PDXDC1: variants seen among roughly 807,000 people sequenced by gnomAD.
PDXDC1 encodes the protein pyridoxal dependent decarboxylase domain containing 1.
PDXDC1 carries 42 observed loss-of-function variants against 100.1 expected under a neutral mutation model. The ratio of observed to expected loss-of-function variants is 0.42; its 90% CI spans 0.33 to 0.54. The LOEUF is 0.54. Among genes scored for constraint, PDXDC1 ranks in the 20% least tolerant of loss-of-function variants. PDXDC1 has a pLI of 0.10. For missense variants in PDXDC1, 636 were observed against 979.2 expected, an observed-to-expected ratio of 0.65 and a Z score of 4.68; for synonymous variants, 260 against 371.7, an observed-to-expected ratio of 0.70 and a Z score of 3.46.
chr16:15,077,098 G>A (rs1402972652), intron 16 of PDXDC1, among the ~76,000 whole-genome samples: 25 of 151,724 alleles, frequency 1.6e-4, no homozygotes, highest in Admixed American at 1.3e-4. Context: ...TCCTGCCTCA[G>A]CCTCCCGAGT....
rs2043436528 is a variant in PDXDC1 at position 15,036,168 on chromosome 16, G to A, written c.2260G>A (p.Gly754Arg). ...LEASSTEGHP[G>R]APSPQHTDQT... ...GGCCAGCAGCACTGAGGGACACCCA[G>A]GGGCTCCCAGCCCTCAGCACACCGA... is the stretch of plus-strand genomic sequence containing the variant. Residue 754 changes from glycine to arginine, a missense_variant, in exon 23 of 23, where the codon GGG (glycine) becomes AGG (arginine). Gly to Arg is a moderately radical substitution (Grantham distance 125). Coordinates refer to ENST00000396410, the MANE Select transcript of PDXDC1 (RefSeq NM_015027.4). 6.2e-7 allele frequency: 1 copy of A among 1,614,054 alleles called. No individual in the cohort carries two copies. The highest frequency in any genetic ancestry group is 8.5e-7 in the Non-Finnish European group (1 of 1,180,042).
chr16:15,089,850 T>C (rs150378517), intron 16 of PDXDC1, among the ~76,000 whole-genome samples: 3 of 142,732 alleles, frequency 2.1e-5, no homozygotes, highest in African/African-American at 7.9e-5. Flanking sequence ...TCAGAAACGC[T>C]GAAGTTTTAA....
At chr16:15,104,080 G>C (rs1386308088) in intron 16 of PDXDC1, among the ~76,000 whole-genome samples, 2 of 39,270 alleles carry the variant, frequency 5.1e-5, no homozygotes, top group African/African-American at 1.0e-4. Flanking sequence ...GCTGGGGCAG[G>C]AGGATTGCTT....
intron 6 of PDXDC1, among the ~76,000 whole-genome samples, chr16:15,007,550 C>T (rs183881249): frequency 1.6e-3 from 237 of 152,302 alleles, no homozygotes; most frequent in African/African-American, 4.6e-3. Flanking sequence ...CATTGTTAAC[C>T]GTCTTTGCCA....
chr16:15,070,358 C>G, intron 16 of PDXDC1: 1 of 790,114 alleles, frequency 1.3e-6, no homozygotes, highest in Non-Finnish European at 2.0e-6. Context: ...TAAGTAAGTT[C>G]ATAGGTTTCT....
At chr16:14,982,694 G>A (rs1968272064) in intron 1 of PDXDC1, among the ~76,000 whole-genome samples, 1 of 152,398 alleles carries the variant, frequency 6.6e-6, no homozygotes, top group South Asian at 2.1e-4. Context: ...TATCAGCTTG[G>A]AGGATTCCTG....
chr16:15,128,269 G>T, intron 16 of PDXDC1: 1 of 1,610,866 alleles, frequency 6.2e-7, no homozygotes, highest in Non-Finnish European at 8.5e-7. Flanking sequence ...CAGGCTGTGC[G>T]GGGTGGCGAT....
chr16:15,014,852 T>C (rs1413949449), intron 8 of PDXDC1, among the ~76,000 whole-genome samples: 1 of 152,294 alleles, frequency 6.6e-6, no homozygotes, highest in East Asian at 1.9e-4. Context: ...CGGCTGAAAG[T>C]GCTTAATATG....
intron 16 of PDXDC1, among the ~76,000 whole-genome samples, chr16:15,092,018 A>G (rs1406978781): frequency 3.3e-5 from 5 of 152,076 alleles, no homozygotes; most frequent in African/African-American, 7.2e-5. Context: ...CTCTACTAAA[A>G]AAATAAAAAA....
intron 16 of PDXDC1, among the ~76,000 whole-genome samples, chr16:15,081,952 A>T (rs1326190711): frequency 6.6e-6 from 1 of 152,166 alleles, no homozygotes; most frequent in Non-Finnish European, 1.5e-5. Flanking sequence ...TGGTTAGTGT[A>T]TGTTAGTCTT....
intron 16 of PDXDC1, among the ~76,000 whole-genome samples, chr16:15,084,100 A>G (rs2045816946): frequency 6.6e-6 from 1 of 152,254 alleles, no homozygotes; most frequent in Non-Finnish European, 1.5e-5. Flanking sequence ...TGATATCAAC[A>G]GCAAATCAAA....
chr16:15,073,691 A>G (rs2045335787), intron 16 of PDXDC1, among the ~76,000 whole-genome samples: 1 of 152,212 alleles, frequency 6.6e-6, no homozygotes, highest in Non-Finnish European at 1.5e-5. Flanking sequence ...AAACAGCTGA[A>G]TATATAGGCA....
At chr16:14,986,808 G>A (rs1338976679) in intron 1 of PDXDC1, among the ~76,000 whole-genome samples, 6 of 152,262 alleles carry the variant, frequency 3.9e-5, no homozygotes, top group Non-Finnish European at 5.9e-5. Context: ...GTGCAGTGGC[G>A]CGTTCTTGGC....
intron 11 of PDXDC1, among the ~76,000 whole-genome samples, chr16:15,018,330 G>GC (rs1273165959): frequency 6.6e-6 from 1 of 152,240 alleles, no homozygotes; most frequent in African/African-American, 2.4e-5. Context: ...GGCTGATTGA[G>GC]CCCTGGAGAT....
chr16:15,000,627 G>A (rs1234216087), intron 3 of PDXDC1, among the ~76,000 whole-genome samples: 33 of 152,392 alleles, frequency 2.2e-4, no homozygotes, highest in African/African-American at 7.2e-4. Context: ...TACTTCAGCC[G>A]TTCGAATTCT....
chr16:15,150,310 C>T, the PDXDC1 span, among the ~76,000 whole-genome samples: 1 of 151,630 alleles, frequency 6.6e-6, no homozygotes, highest in Non-Finnish European at 1.5e-5. Flanking sequence ...TGCTGCACTC[C>T]AGCCTGGGCA....
chr16:15,145,702 G>A, the PDXDC1 span, among the ~76,000 whole-genome samples: 7 of 152,264 alleles, frequency 4.6e-5, no homozygotes, highest in African/African-American at 7.2e-5. Flanking sequence ...CATGAAGAGC[G>A]AGGTGTTCTG....
At chr16:14,981,789 T>C (rs1457769304) in intron 1 of PDXDC1, among the ~76,000 whole-genome samples, 4 of 152,398 alleles carry the variant, frequency 2.6e-5, no homozygotes, top group African/African-American at 9.6e-5. Flanking sequence ...TTAACTTTGC[T>C]GCCTCCTTTC....
downstream of PDXDC1, among the ~76,000 whole-genome samples, chr16:15,039,339 G>A (rs1273927052): frequency 6.6e-6 from 1 of 152,154 alleles, no homozygotes; most frequent in Non-Finnish European, 1.5e-5. Context: ...GAAAACATCA[G>A]CATTTCATAA....
Sources: allele counts gnomAD v4.1 joint callset (sites outside exome capture counted in the v4.1 genomes callset), GRCh38; gene constraint gnomAD v4.1.1; transcripts MANE v1.5; gene names NCBI Gene and HGNC (gene_info 2026-07-23, HGNC 2026-07-21).